Variants in ASCC3 observed in about 807,000 individuals in gnomAD.
ASCC3 encodes the protein ASC-1 complex subunit P200.
Under a neutral mutation model 256.3 loss-of-function variants are expected in ASCC3, and 158 were observed. The ratio of observed to expected loss-of-function variants is 0.62; its 90% confidence interval spans 0.54 to 0.70. ASCC3 has a LOEUF of 0.70. ASCC3 is among the 30% of genes least tolerant of loss of function. The probability of loss-of-function intolerance (pLI) is 0.00; values close to 1 mark genes in which losing one functional copy is unlikely to be tolerated. For synonymous variants in ASCC3, 948 were observed against 883.4 expected, an observed-to-expected ratio of 1.07 and a Z score of -1.30; for missense variants, 2,259 against 2,626.0, an observed-to-expected ratio of 0.86 and a Z score of 3.05.
chr6:100,728,614 A>G (rs1260755974), intron 10 of ASCC3, among the ~76,000 whole-genome samples: 2 of 152,142 alleles, frequency 1.3e-5, no homozygotes, highest in African/African-American at 4.8e-5. Flanking sequence ...ATCAACAATA[A>G]CATGGATAAA....
At chr6:100,589,802 T>C (rs240166) in intron 35 of ASCC3, 34 bp from the exon 36 acceptor site, 77,544 of 1,612,284 alleles carry the variant, frequency 0.048, 2,463 homozygotes, top group African/African-American at 0.15. Flanking sequence ...AAGAGTACGA[T>C]GAAAGTACAT....
At chr6:100,852,745 T>C (rs1438641750) in intron 3 of ASCC3, among the ~76,000 whole-genome samples, 1 of 152,130 alleles carries the variant, frequency 6.6e-6, no homozygotes, top group Non-Finnish European at 1.5e-5. Context: ...TTAAAGAAGG[T>C]ACTCTAGAAA....
At chr6:100,655,860 G>T in intron 16 of ASCC3, 42 bp from the exon 17 acceptor site, 1 of 1,601,236 alleles carries the variant, frequency 6.2e-7, no homozygotes, top group South Asian at 1.1e-5. Flanking sequence ...TATTAAAGTT[G>T]AACATAAACA....
chr6:100,813,332 C>T (rs928361723), intron 4 of ASCC3, among the ~76,000 whole-genome samples: 2 of 151,924 alleles, frequency 1.3e-5, no homozygotes, highest in African/African-American at 2.4e-5. Context: ...GTGGCGCATG[C>T]TTATAATCCA....
Position 100,530,613 on chromosome 6 carries a change from A to T in ASCC3, c.5775+9550T>A. 8.8e-6 allele frequency: 7 copies of T among 797,890 alleles called. No homozygotes were observed. In the South Asian group the frequency reaches 9.4e-5, roughly 11 times the overall value. The allele number at this position is 797,890 out of a possible 1,614,324, so 49.4% of individuals were successfully genotyped here. A position where few individuals can be genotyped will look rare whatever the true frequency, so the allele number is the denominator to read the frequency against. ...TATTGCATGGATGTTCAGAGCAGCA[A>T]TACAGTGTGAGTTCTCCAAACAGGA... On this transcript the variant is annotated intron_variant, in intron 37 of 41. Coordinates refer to ENST00000369162, the MANE Select transcript of ASCC3 (RefSeq NM_006828.4).
At chr6:100,732,165 C>CAAAAAAAAAAAAAA (rs386408063) in intron 10 of ASCC3, among the ~76,000 whole-genome samples, 1 of 105,122 alleles carries the variant, frequency 9.5e-6, no homozygotes. Flanking sequence ...CGTCTCAAAA[C>CAAAAAAAAAAAAAA]AAAAAAAAAA....
Position 100,630,906 on chromosome 6 carries a change from T to C in ASCC3, c.4208+222A>G, listed in dbSNP as rs1224646829. ...TACTCACATTAAGTAATTTAGGAGATTTCATTTTCAATCTTAAAACAATGG... is the reference window on the plus strand; with the variant it reads ...TACTCACATTAAGTAATTTAGGAGACTTCATTTTCAATCTTAAAACAATGG... On this transcript the variant is annotated intron_variant, in intron 26 of 41. Coordinates refer to ENST00000369162, the MANE Select transcript of ASCC3 (RefSeq NM_006828.4). Among the ~76,000 whole-genome samples the C allele has an allele frequency of 1.6e-4, 24 of 152,042 alleles. 1 individual carries two copies. The highest frequency in any genetic ancestry group is 1.5e-3 in the Admixed American group (23 of 15,264).
chr6:100,661,335 AC>A (rs1776185964), intron 16 of ASCC3, among the ~76,000 whole-genome samples: 2 of 150,990 alleles, frequency 1.3e-5, no homozygotes, highest in Non-Finnish European at 1.5e-5. Context: ...ACACACACAC[AC>A]ACACACACAC....
At chr6:100,789,607 CT>C (rs1769257240) in intron 8 of ASCC3, among the ~76,000 whole-genome samples, 1 of 151,910 alleles carries the variant, frequency 6.6e-6, no homozygotes, top group African/African-American at 2.4e-5. Flanking sequence ...ATACAATCTA[CT>C]CTGGAAAGAA....
At chr6:100,565,899 T>C (rs912811751) in intron 36 of ASCC3, among the ~76,000 whole-genome samples, 5 of 152,190 alleles carry the variant, frequency 3.3e-5, no homozygotes, top group African/African-American at 1.2e-4. Context: ...GGCAGCATAA[T>C]AGTCACAAGA....
chr6:100,756,523 A>T (rs1025576652), intron 10 of ASCC3, among the ~76,000 whole-genome samples: 2 of 152,140 alleles, frequency 1.3e-5, no homozygotes, highest in African/African-American at 4.8e-5. Context: ...CCTTCACTCA[A>T]TAAAGTCAAC....
At position 100,661,360 on chromosome 6, in the gene ASCC3, A is replaced by ACAC. The variant is rs1346997501; in HGVS notation, c.2703+445_2703+446insGTG. 1.9e-3 allele frequency among the ~76,000 whole-genome samples: 151 copies of ACAC among 80,818 alleles called. 1 individual carries two copies. Among genetic ancestry groups the ACAC allele is most frequent in the South Asian group, 0.016 (53 of 3,334 alleles). 53.0% of individuals were successfully genotyped at this position (80,818 alleles called of 152,430 possible). A position where few individuals can be genotyped will look rare whatever the true frequency, so the allele number is the denominator to read the frequency against. On this transcript the variant is annotated intron_variant, in intron 16 of 41. Transcript: ENST00000369162. ...ACACACACACACACACACACACACAAAACAAATGATCATAATCTAGCTCAA... is the reference window on the plus strand; with the variant it reads ...ACACACACACACACACACACACACAACACAACAAATGATCATAATCTAGCTCAA...
At chr6:100,635,840 A>T (rs1774815829) in intron 25 of ASCC3, among the ~76,000 whole-genome samples, 1 of 152,202 alleles carries the variant, frequency 6.6e-6, no homozygotes, top group African/African-American at 2.4e-5. Flanking sequence ...GTCATATAAA[A>T]GCTACTCTAT....
chr6:100,821,555 G>A (rs1482408510), intron 4 of ASCC3, among the ~76,000 whole-genome samples: 1 of 152,150 alleles, frequency 6.6e-6, no homozygotes, highest in Non-Finnish European at 1.5e-5. Flanking sequence ...GCAGGGCGTG[G>A]TCATTCACGC....
intron 11 of ASCC3, among the ~76,000 whole-genome samples, chr6:100,721,384 T>A (rs1355272701): frequency 6.6e-6 from 1 of 151,754 alleles, no homozygotes; most frequent in Admixed American, 6.6e-5. Context: ...AAGTTAAGTA[T>A]CAGGACATAA....
At chr6:100,713,540 A>T (rs1388342233) in intron 13 of ASCC3, among the ~76,000 whole-genome samples, 2 of 152,188 alleles carry the variant, frequency 1.3e-5, no homozygotes, top group African/African-American at 4.8e-5. Flanking sequence ...ACAAAGAGTT[A>T]ACCTTAACGT....
intron 10 of ASCC3, among the ~76,000 whole-genome samples, chr6:100,761,896 C>G: frequency 6.6e-6 from 1 of 152,176 alleles, no homozygotes; most frequent in Non-Finnish European, 1.5e-5. Context: ...GCCCCTATCT[C>G]CAACTACCCT....
intron 25 of ASCC3, among the ~76,000 whole-genome samples, chr6:100,633,324 TAGAA>T (rs1774652184): frequency 6.6e-6 from 1 of 152,132 alleles, no homozygotes; most frequent in African/African-American, 2.4e-5. Flanking sequence ...TCTTGTTTAC[TAGAA>T]AGACTGTGGC....
chr6:100,601,999 C>T (rs1274655055), intron 33 of ASCC3, 64 bp from the exon 34 acceptor site: 23 of 1,553,790 alleles, frequency 1.5e-5, no homozygotes, highest in Non-Finnish European at 1.8e-5. Context: ...TGAAATTTAT[C>T]TCACATAGTC....
Sources: gnomAD v4.1 joint callset for allele counts (sites outside exome capture counted in the v4.1 genomes callset) on GRCh38, gnomAD v4.1.1 for gene constraint, MANE v1.5 for transcripts, NCBI Gene and HGNC (gene_info 2026-07-23, HGNC 2026-07-21) for gene names.